The following CACNA2D1 variants were observed in gnomAD, a reference collection of about 807,000 sequenced individuals.
CACNA2D1 encodes the protein voltage-dependent calcium channel subunit alpha-2/delta-1.
In CACNA2D1, 53 loss-of-function variants were observed where a neutral mutation model predicts 171.5. That is an observed-to-expected ratio of 0.31 (90% CI 0.25 to 0.39). CACNA2D1 has a LOEUF of 0.39. Ranked by LOEUF, CACNA2D1 falls within the 10% of genes least tolerant of loss-of-function variation. The probability of loss-of-function intolerance (pLI) is 1.00; values close to 1 mark genes in which losing one functional copy is unlikely to be tolerated. For synonymous variants in CACNA2D1, 442 were observed against 443.1 expected, an observed-to-expected ratio of 1.00 and a Z score of 0.03; for missense variants, 903 against 1,299.8, an observed-to-expected ratio of 0.69 and a Z score of 4.69.
In CACNA2D1 at chr7:82,222,498, A is replaced by G. The variant is rs202236087; in HGVS notation, c.295-51889T>C. 3.9e-5 allele frequency among the ~76,000 whole-genome samples: 6 copies of G among 152,314 alleles called. No homozygotes were observed. In the East Asian group the frequency reaches 7.7e-4, roughly 20 times the overall value. ...ACAGGAAAGTCTTCTTAAGACCAAG[A>G]GTATTGGGAGCAAATGAATGAAGGT... On this transcript the variant is annotated intron_variant, in intron 3 of 38. Coordinates refer to ENST00000356860, the MANE Select transcript of CACNA2D1 (RefSeq NM_000722.4).
chr7:82,430,391 C>G (rs1236807653), intron 1 of CACNA2D1, among the ~76,000 whole-genome samples: 1 of 134,344 alleles, frequency 7.4e-6, no homozygotes, highest in Non-Finnish European at 1.5e-5. Flanking sequence ...GCACTCCAGC[C>G]TGGGTGATAG....
In CACNA2D1 at chr7:82,216,080, T is replaced by G. The variant is rs555731651; in HGVS notation, c.295-45471A>C. Reference sequence around the variant, plus strand: ...TTACTCTGTCACTTTATCACAGATTTCTTGGCCATATTGTCTAATTACAAA... The same window carrying G: ...TTACTCTGTCACTTTATCACAGATTGCTTGGCCATATTGTCTAATTACAAA... On this transcript the variant is annotated intron_variant, in intron 3 of 38. Transcript: ENST00000356860. Among the ~76,000 whole-genome samples, 11 of 152,322 alleles carry G rather than the reference T, an allele frequency of 7.2e-5. No individual in the cohort carries two copies. The South Asian group carries it at 2.3e-3, about 32-fold the overall frequency.
intron 4 of CACNA2D1, among the ~76,000 whole-genome samples, chr7:82,138,605 C>T (rs1398683526): frequency 2.6e-5 from 4 of 151,798 alleles, no homozygotes; most frequent in Non-Finnish European, 5.9e-5. Context: ...CGCCACCATG[C>T]CCCGCTAATT....
chr7:82,274,383 A>G (rs989598602), intron 3 of CACNA2D1, among the ~76,000 whole-genome samples: 1 of 152,226 alleles, frequency 6.6e-6, no homozygotes, highest in East Asian at 1.9e-4. Flanking sequence ...ACATAAAATT[A>G]CCATCTGGAA....
intron 3 of CACNA2D1, among the ~76,000 whole-genome samples, chr7:82,274,062 C>G (rs556622662): frequency 1.3e-5 from 2 of 152,228 alleles, no homozygotes; most frequent in East Asian, 3.9e-4. Flanking sequence ...TATATACTCT[C>G]GCACTTGCTC....
At chr7:82,194,454 T>A (rs1489777147) in intron 3 of CACNA2D1, among the ~76,000 whole-genome samples, 1 of 152,046 alleles carries the variant, frequency 6.6e-6, no homozygotes, top group African/African-American at 2.4e-5. Context: ...GGAGTATGCA[T>A]ATGTAAATAC....
chr7:81,999,307 T>G (rs918719004), intron 18 of CACNA2D1, among the ~76,000 whole-genome samples: 10 of 152,098 alleles, frequency 6.6e-5, no homozygotes, highest in African/African-American at 2.4e-4. Flanking sequence ...GACTACAAAA[T>G]TCAAAAGCAT....
chr7:81,977,278 C>T lies in CACNA2D1; in HGVS notation c.1956-2726G>A, dbSNP rs114725629. Among the ~76,000 whole-genome samples the T allele has an allele frequency of 3.1e-3, 467 of 152,128 alleles. 1 individual carries two copies. The highest frequency in any genetic ancestry group is 0.011 in the African/African-American group (436 of 41,490). On this transcript the variant is annotated intron_variant, in intron 24 of 38. Coordinates refer to ENST00000356860, the MANE Select transcript of CACNA2D1 (RefSeq NM_000722.4). Reference sequence around the variant, plus strand: ...AGCATGAAGGGGTGCTGAATTTCGTCGAAGGCCTTTTCTGCATCAATTGAG... The same window carrying T: ...AGCATGAAGGGGTGCTGAATTTCGTTGAAGGCCTTTTCTGCATCAATTGAG...
chr7:82,140,987 T>C (rs1324056125), intron 4 of CACNA2D1, among the ~76,000 whole-genome samples: 1 of 144,088 alleles, frequency 6.9e-6, no homozygotes, highest in African/African-American at 2.7e-5. Flanking sequence ...AAATTGCAAT[T>C]ATTCGTTTGT....
intron 25 of CACNA2D1, 121 bp from the exon 26 acceptor site, chr7:81,971,985 A>G (rs532984174): frequency 3.0e-6 from 2 of 670,642 alleles, no homozygotes; most frequent in East Asian, 5.6e-5. Context: ...TTTAAAATAT[A>G]TTCCACATTC....
chr7:82,002,721 A>G (rs1798731852), intron 18 of CACNA2D1, among the ~76,000 whole-genome samples: 1 of 152,208 alleles, frequency 6.6e-6, no homozygotes, highest in Non-Finnish European at 1.5e-5. Context: ...CCATTTTGGA[A>G]TAAAGCAGAA....
At chr7:82,155,283 A>G (rs937273789) in intron 4 of CACNA2D1, among the ~76,000 whole-genome samples, 1 of 152,120 alleles carries the variant, frequency 6.6e-6, no homozygotes, top group Non-Finnish European at 1.5e-5. Context: ...CTAATAGACC[A>G]TTTCATACAG....
chr7:81,973,990 T>C (rs1795569126), intron 25 of CACNA2D1, among the ~76,000 whole-genome samples: 1 of 152,022 alleles, frequency 6.6e-6, no homozygotes, highest in African/African-American at 2.4e-5. Flanking sequence ...GTGATCAAAA[T>C]AGAATGTCAG....
intron 1 of CACNA2D1, among the ~76,000 whole-genome samples, chr7:82,416,741 A>C (rs2129456301): frequency 6.6e-6 from 1 of 152,234 alleles, no homozygotes; most frequent in East Asian, 1.9e-4. Context: ...ATCTGCAAAG[A>C]CCCAATTTCA....
intron 4 of CACNA2D1, among the ~76,000 whole-genome samples, chr7:82,147,942 A>G (rs1223151747): frequency 1.3e-5 from 2 of 152,202 alleles, no homozygotes; most frequent in East Asian, 1.9e-4. Flanking sequence ...TGAAATAAAC[A>G]TTCACATATA....
chr7:82,312,167 C>T (rs1311813366), intron 3 of CACNA2D1, among the ~76,000 whole-genome samples: 1 of 152,150 alleles, frequency 6.6e-6, no homozygotes, highest in Non-Finnish European at 1.5e-5. Flanking sequence ...GTTAATAAGA[C>T]TAAAACGTAT....
intron 3 of CACNA2D1, among the ~76,000 whole-genome samples, chr7:82,275,554 A>T (rs1224063330): frequency 6.6e-6 from 1 of 152,100 alleles, no homozygotes; most frequent in Non-Finnish European, 1.5e-5. Flanking sequence ...GAGAGCCCAG[A>T]GTTTGTGTAT....
chr7:82,100,873 A>G (rs1584749526), intron 6 of CACNA2D1, among the ~76,000 whole-genome samples: 2 of 151,712 alleles, frequency 1.3e-5, no homozygotes, highest in African/African-American at 2.4e-5. Flanking sequence ...TTTTCTAAGT[A>G]GAGCTTAGAA....
chr7:82,204,671 C>T (rs1005502872), intron 3 of CACNA2D1, among the ~76,000 whole-genome samples: 5 of 152,184 alleles, frequency 3.3e-5, no homozygotes, highest in Admixed American at 2.0e-4. Context: ...TGTGTTAAAC[C>T]TGTGTTTCTG....
Sources: gnomAD v4.1 joint callset for allele counts (sites outside exome capture counted in the v4.1 genomes callset) on GRCh38, gnomAD v4.1.1 for gene constraint, MANE v1.5 for transcripts, NCBI Gene and HGNC (gene_info 2026-07-23, HGNC 2026-07-21) for gene names.